Variants in RAD51B observed in about 807,000 individuals in gnomAD.
RAD51B encodes the protein RAD51 paralog B.
In RAD51B, 38 loss-of-function variants were observed where a neutral mutation model predicts 42.2. The observed-to-expected ratio is 0.90, with a 90% CI of 0.70 to 1.18. RAD51B has a LOEUF of 1.18. RAD51B is among the 50% of genes most tolerant of loss of function. RAD51B has a pLI of 0.00. For missense variants in RAD51B, 373 were observed against 400.7 expected (o/e 0.93, Z 0.59); for synonymous variants, 154 against 145.2 (o/e 1.06, Z -0.43).
chr14:68,198,489 T>C (rs2079419581), intron 7 of RAD51B, among the ~76,000 whole-genome samples: 2 of 152,218 alleles, frequency 1.3e-5, no homozygotes, highest in East Asian at 3.8e-4. Flanking sequence ...TATTAAGTTT[T>C]CACTGGGATT....
chr14:68,113,200 A>G (rs1300660740), intron 7 of RAD51B, among the ~76,000 whole-genome samples: 1 of 152,140 alleles, frequency 6.6e-6, no homozygotes, highest in Admixed American at 6.6e-5. Context: ...ATTGTAAAAG[A>G]CACTATATTG....
chr14:68,621,886 T>C (rs1222402672), intron 10 of RAD51B, among the ~76,000 whole-genome samples: 6 of 152,202 alleles, frequency 3.9e-5, no homozygotes. Context: ...CCCAGAGCTT[T>C]GGGGTGCAGG....
chr14:68,040,281 G>C (rs573963785), intron 7 of RAD51B, among the ~76,000 whole-genome samples: 1 of 152,044 alleles, frequency 6.6e-6, no homozygotes, highest in Non-Finnish European at 1.5e-5. Flanking sequence ...TGCTAACCCT[G>C]GTATTAATTG....
At chr14:68,499,205 C>A (rs1200222751) in intron 10 of RAD51B, among the ~76,000 whole-genome samples, 1 of 152,246 alleles carries the variant, frequency 6.6e-6, no homozygotes, top group African/African-American at 2.4e-5. Flanking sequence ...GAAATCCCAA[C>A]ATATCCAACT....
intron 7 of RAD51B, among the ~76,000 whole-genome samples, chr14:68,038,399 T>C (rs545862719): frequency 6.6e-6 from 1 of 152,128 alleles, no homozygotes; most frequent in South Asian, 2.1e-4. Context: ...TAGCTTGATA[T>C]CCTTTTTTTT....
intron 8 of RAD51B, among the ~76,000 whole-genome samples, chr14:68,359,726 T>A (rs1261053902): frequency 6.6e-6 from 1 of 152,114 alleles, no homozygotes; most frequent in Non-Finnish European, 1.5e-5. Context: ...TTGCTGAAAG[T>A]TGTGTGTTGT....
At chr14:68,004,580 C>A (rs2140317521) in intron 7 of RAD51B, among the ~76,000 whole-genome samples, 1 of 152,050 alleles carries the variant, frequency 6.6e-6, no homozygotes, top group East Asian at 1.9e-4. Context: ...AGTAGGAGGG[C>A]TTTTAAAAAT....
intron 7 of RAD51B, among the ~76,000 whole-genome samples, chr14:67,934,879 G>T (rs1257706193): frequency 6.6e-6 from 1 of 152,142 alleles, no homozygotes; most frequent in Non-Finnish European, 1.5e-5. Context: ...GTGTCTCCTG[G>T]TTATAGTCTA....
At chr14:68,309,519 A>T (rs1444372055) in intron 8 of RAD51B, among the ~76,000 whole-genome samples, 5 of 152,242 alleles carry the variant, frequency 3.3e-5, no homozygotes, top group Admixed American at 6.5e-5. Context: ...AATCCAGCAG[A>T]CATTAAGCAA....
At chr14:67,848,223 C>T (rs562970995) in intron 4 of RAD51B, among the ~76,000 whole-genome samples, 12 of 152,196 alleles carry the variant, frequency 7.9e-5, no homozygotes, top group African/African-American at 2.6e-4. Flanking sequence ...TTCACCATGT[C>T]GGCCAGGATG....
chr14:68,502,844 C>T (rs1248336754), intron 10 of RAD51B, among the ~76,000 whole-genome samples: 1 of 152,130 alleles, frequency 6.6e-6, no homozygotes, highest in Non-Finnish European at 1.5e-5. Flanking sequence ...GGACAGGATC[C>T]TGTGTGGACT....
chr14:68,419,118 G>T (rs2084633721), intron 9 of RAD51B, among the ~76,000 whole-genome samples: 3 of 152,204 alleles, frequency 2.0e-5, no homozygotes, highest in Admixed American at 2.0e-4. Context: ...CACTTTGGGT[G>T]ATTCTTACAT....
At chr14:68,249,059 G>C (rs1342188550) in intron 7 of RAD51B, among the ~76,000 whole-genome samples, 1 of 152,230 alleles carries the variant, frequency 6.6e-6, no homozygotes, top group Non-Finnish European at 1.5e-5. Context: ...CACTAACTCA[G>C]GTTTACAGAA....
intron 7 of RAD51B, among the ~76,000 whole-genome samples, chr14:68,280,682 A>G (rs543245004): frequency 1.3e-5 from 2 of 152,320 alleles, no homozygotes; most frequent in Admixed American, 6.5e-5. Flanking sequence ...ATCTCATGAA[A>G]TGTGCACCAT....
At chr14:68,233,131 A>G (rs2080179705) in intron 7 of RAD51B, among the ~76,000 whole-genome samples, 1 of 152,214 alleles carries the variant, frequency 6.6e-6, no homozygotes, top group African/African-American at 2.4e-5. Flanking sequence ...AATGTTAGAT[A>G]TTGTAAGCTG....
chr14:68,521,452 C>G (rs1353235542), intron 10 of RAD51B, among the ~76,000 whole-genome samples: 3 of 152,186 alleles, frequency 2.0e-5, no homozygotes, highest in Non-Finnish European at 4.4e-5. Flanking sequence ...CTTTCCTAGT[C>G]CCTAACTCAG....
At chr14:68,048,608 T>C (rs1007046134) in intron 7 of RAD51B, among the ~76,000 whole-genome samples, 2 of 152,252 alleles carry the variant, frequency 1.3e-5, no homozygotes, top group Non-Finnish European at 2.9e-5. Flanking sequence ...CATCTTGAAT[T>C]AATTTTTGTG....
intron 10 of RAD51B, among the ~76,000 whole-genome samples, chr14:68,632,838 C>T (rs777791221): frequency 3.9e-5 from 6 of 151,966 alleles, no homozygotes; most frequent in Non-Finnish European, 5.9e-5. Context: ...TGCAGTGGTA[C>T]GATCACAGCT....
In RAD51B at chr14:68,362,074, A is replaced by C. The variant is rs537099657; in HGVS notation, c.854-49350A>C. On this transcript the variant is annotated intron_variant, in intron 8 of 10. Coordinates refer to ENST00000471583, the MANE Select transcript of RAD51B (RefSeq NM_133510.4). ...TGGCTGAATATCGGCCACAGCATAC[A>C]GTTCAAACTAATGCAGTGTATCTAT... Among the ~76,000 whole-genome samples, 3 of 152,340 alleles carry C rather than the reference A, an allele frequency of 2.0e-5. No homozygotes were observed. The South Asian group carries it at 6.2e-4, about 32-fold the overall frequency.
Sources: gnomAD v4.1 joint callset for allele counts (sites outside exome capture counted in the v4.1 genomes callset) on GRCh38, gnomAD v4.1.1 for gene constraint, MANE v1.5 for transcripts, NCBI Gene and HGNC (gene_info 2026-07-23, HGNC 2026-07-21) for gene names.